Variants in LYPLAL1 observed in about 807,000 individuals in gnomAD.
LYPLAL1 encodes lysophospholipase-like protein 1.
In LYPLAL1, 23 loss-of-function variants were observed where a neutral mutation model predicts 19.7. The ratio of observed to expected loss-of-function variants is 1.17; its 90% CI spans 0.84 to 1.65. The LOEUF is 1.65. Ranked by LOEUF, LYPLAL1 falls within the 40% of genes most tolerant of loss-of-function variation. The probability of loss-of-function intolerance (pLI) is 0.00; values close to 1 mark genes in which losing one functional copy is unlikely to be tolerated. For missense variants in LYPLAL1, 355 were observed against 279.4 expected, an observed-to-expected ratio of 1.27 and a Z score of -1.93; for synonymous variants, 119 against 96.3, an observed-to-expected ratio of 1.24 and a Z score of -1.38.
the LYPLAL1 span, among the ~76,000 whole-genome samples, chr1:219,372,879 G>A: frequency 6.6e-6 from 1 of 151,982 alleles, no homozygotes; most frequent in Non-Finnish European, 1.5e-5. Flanking sequence ...ACTCCAGCCT[G>A]GGCTACACAG....
At chr1:219,174,993 G>A (rs1430558051) in intron 1 of LYPLAL1, 1 of 985,320 alleles carries the variant, frequency 1.0e-6, no homozygotes, top group Non-Finnish European at 1.2e-6. Flanking sequence ...CAGACTTTTC[G>A]AAGAAAGTGG....
At chr1:219,203,423 T>C (rs1247025577) in intron 3 of LYPLAL1, among the ~76,000 whole-genome samples, 1 of 151,890 alleles carries the variant, frequency 6.6e-6, no homozygotes, top group East Asian at 1.9e-4. Context: ...TGTGCTGGAG[T>C]ATAAAAGAAA....
intron 2 of LYPLAL1, among the ~76,000 whole-genome samples, chr1:219,190,382 C>T (rs1202847534): frequency 6.6e-6 from 1 of 151,356 alleles, no homozygotes; most frequent in East Asian, 1.9e-4. Context: ...AGCACAAGCA[C>T]AATTGACTAT....
At position 219,211,683 on chromosome 1, in the gene LYPLAL1, A is replaced by G; in HGVS notation, c.669A>G (p.Leu223=). ...AAACTGAGTTAGACATATTGAAGTT[A>G]TGGATTCTTACAAAGCTGCCAGGAG... is the stretch of plus-strand genomic sequence containing the variant. ...LSKTELDILK[L]WILTKLPGEM... is the part of the protein sequence containing the mutation. The change falls in exon 5 of 5, where the codon TTA becomes TTG. Residue 223 remains leucine, a synonymous_variant. Transcript: ENST00000366928. The G allele has an allele frequency of 6.2e-7, 1 of 1,612,248 alleles. No individual in the cohort carries two copies.
At chr1:219,271,706 T>C in the LYPLAL1 span, 1 of 152,206 alleles carries the variant, frequency 6.6e-6, no homozygotes, top group East Asian at 1.9e-4. Context: ...CACCTGCCAA[T>C]AAATGATGCC....
chr1:219,190,502 GGGCTACTA>G (rs1243646335), intron 2 of LYPLAL1, among the ~76,000 whole-genome samples: 1 of 150,688 alleles, frequency 6.6e-6, no homozygotes, highest in African/African-American at 2.4e-5. Context: ...AAGAAAATCT[GGGCTACTA>G]TATATAAAAA....
chr1:219,289,406 G>A, the LYPLAL1 span, among the ~76,000 whole-genome samples: 1 of 152,040 alleles, frequency 6.6e-6, no homozygotes, highest in Non-Finnish European at 1.5e-5. Context: ...GGCTCTGTGG[G>A]GAGTTTTTAT....
At chr1:219,309,876 G>A in the LYPLAL1 span, among the ~76,000 whole-genome samples, 8,586 of 152,292 alleles carry the variant, frequency 0.056, 334 homozygotes, top group South Asian at 0.094. Context: ...TTACTACCAT[G>A]TGTTGTCATG....
the LYPLAL1 span, among the ~76,000 whole-genome samples, chr1:219,274,108 GA>G: frequency 5.3e-5 from 8 of 152,220 alleles, no homozygotes; most frequent in Admixed American, 2.0e-4. Context: ...GTAAAGGAAT[GA>G]AGAGAAACTT....
chr1:219,374,838 A>G, the LYPLAL1 span, among the ~76,000 whole-genome samples: 8 of 152,174 alleles, frequency 5.3e-5, no homozygotes, highest in Admixed American at 3.3e-4. Flanking sequence ...TCCCCGTTCC[A>G]TGACTTCACC....
At chr1:219,322,469 T>G in the LYPLAL1 span, among the ~76,000 whole-genome samples, 1 of 152,166 alleles carries the variant, frequency 6.6e-6, no homozygotes, top group South Asian at 2.1e-4. Flanking sequence ...TGGAACCAGA[T>G]AACTCATATA....
chr1:219,194,580 T>C (rs1483998174), intron 3 of LYPLAL1, among the ~76,000 whole-genome samples: 1 of 152,040 alleles, frequency 6.6e-6, no homozygotes, highest in African/African-American at 2.4e-5. Context: ...AGTGCTCTAA[T>C]GTGGTATAAC....
the LYPLAL1 span, among the ~76,000 whole-genome samples, chr1:219,413,253 C>A: frequency 6.6e-6 from 1 of 152,176 alleles, no homozygotes; most frequent in Non-Finnish European, 1.5e-5. Flanking sequence ...CATCTTCTTT[C>A]TTGAAAGGAA....
the LYPLAL1 span, among the ~76,000 whole-genome samples, chr1:219,226,549 G>A: frequency 6.6e-6 from 1 of 151,616 alleles, no homozygotes; most frequent in Admixed American, 6.6e-5. Flanking sequence ...TCAGCTGAAA[G>A]TAACTGGTAG....
chr1:219,384,895 C>A, the LYPLAL1 span, among the ~76,000 whole-genome samples: 1 of 152,186 alleles, frequency 6.6e-6, no homozygotes, highest in Non-Finnish European at 1.5e-5. Flanking sequence ...GATTCTGTTT[C>A]ATTGCCAACA....
chr1:219,363,066 A>C, the LYPLAL1 span, among the ~76,000 whole-genome samples: 2 of 152,298 alleles, frequency 1.3e-5, no homozygotes, highest in East Asian at 3.9e-4. Context: ...ATTGTTTTTA[A>C]AAATCAAAGG....
Position 219,211,467 on chromosome 1 carries a change from T to C in LYPLAL1, c.478-25T>C, listed in dbSNP as rs1006277699. On this transcript the variant is annotated intron_variant, in intron 4 of 4. Coordinates refer to ENST00000366928, the MANE Select transcript of LYPLAL1 (RefSeq NM_138794.5). ...TCTTAAATGGAATTTCTTAAACTTT[T>C]CTGTCTTTGTATCTTCTTCTCTAGG... 9 of 1,414,404 alleles carry C rather than the reference T, an allele frequency of 6.4e-6. No homozygotes were observed. In the African/African-American group the frequency reaches 1.3e-4, roughly 20 times the overall value. 87.6% of individuals were successfully genotyped at this position (1,414,404 alleles called of 1,614,324 possible). A position where few individuals can be genotyped will look rare whatever the true frequency, so the allele number is the denominator to read the frequency against.
chr1:219,280,991 G>A, the LYPLAL1 span, among the ~76,000 whole-genome samples: 1 of 152,238 alleles, frequency 6.6e-6, no homozygotes, highest in Admixed American at 6.5e-5. Context: ...AGAGGTTGCA[G>A]TGGGCTGAGA....
the LYPLAL1 span, among the ~76,000 whole-genome samples, chr1:219,383,114 T>C: frequency 6.6e-6 from 1 of 152,264 alleles, no homozygotes; most frequent in Non-Finnish European, 1.5e-5. Flanking sequence ...CGTGGTTCCA[T>C]GTAGACCTCA....
Sources: gnomAD v4.1 joint callset for allele counts (sites outside exome capture counted in the v4.1 genomes callset) on GRCh38, gnomAD v4.1.1 for gene constraint, MANE v1.5 for transcripts, NCBI Gene and HGNC (gene_info 2026-07-23, HGNC 2026-07-21) for gene names.